The following CD38 variants were observed in gnomAD, a reference collection of about 807,000 sequenced individuals.
CD38 encodes the protein ADP-ribosyl cyclase/cyclic ADP-ribose hydrolase 1.
Under a neutral mutation model 36.3 loss-of-function variants are expected in CD38, and 31 were observed. The observed-to-expected ratio is 0.85, with a 90% confidence interval of 0.64 to 1.15. CD38 has a LOEUF of 1.15. Among genes scored for constraint, CD38 ranks in the 50% most tolerant of loss-of-function variants. The pLI is 0.00. For missense variants in CD38, 380 were observed against 371.9 expected, an observed-to-expected ratio of 1.02 and a Z score of -0.18; for synonymous variants, 131 against 135.2, an observed-to-expected ratio of 0.97 and a Z score of 0.22.
In CD38 at chr4:15,853,195, A is replaced by G. The variant is rs1442195563; in HGVS notation, c.*4593A>G. The G allele has an allele frequency of 1.3e-5, 2 of 152,196 alleles. No individual in the cohort carries two copies. The highest frequency in any genetic ancestry group is 2.9e-5 in the Non-Finnish European group (2 of 68,042). The allele number at this position is 152,196 out of a possible 1,614,324, so 9.4% of individuals were successfully genotyped here. A position where few individuals can be genotyped will look rare whatever the true frequency, so the allele number is the denominator to read the frequency against. On this transcript the variant is annotated 3_prime_UTR_variant, in exon 8 of 8. Coordinates refer to ENST00000226279, the MANE Select transcript of CD38 (RefSeq NM_001775.4). ...GTTTGAAATTTATTTGTAACAGACA[A>G]AAATGAATTAAACAAACAATAAAAG...
chr4:15,841,282 C>T (rs1724200592), intron 7 of CD38, among the ~76,000 whole-genome samples: 1 of 152,156 alleles, frequency 6.6e-6, no homozygotes. Context: ...AGAGGAAAAG[C>T]TGTTCAAAGG....
intron 1 of CD38, among the ~76,000 whole-genome samples, chr4:15,793,858 A>AT (rs1486593270): frequency 6.6e-6 from 1 of 152,258 alleles, no homozygotes; most frequent in Non-Finnish European, 1.5e-5. Context: ...AGAAGAAACA[A>AT]CAATGCTTCC....
intron 1 of CD38, among the ~76,000 whole-genome samples, chr4:15,788,225 G>A (rs1252188188): frequency 4.6e-5 from 7 of 152,162 alleles, no homozygotes; most frequent in Non-Finnish European, 1.0e-4. Context: ...ATTGCTGATT[G>A]TTCAGAGCAT....
intron 2 of CD38, among the ~76,000 whole-genome samples, chr4:15,822,115 G>A (rs147420733): frequency 2.5e-3 from 377 of 152,098 alleles, no homozygotes; most frequent in African/African-American, 8.7e-3. Flanking sequence ...CAATAGATGC[G>A]GAAAAGGCCT....
At chr4:15,791,119 A>G (rs1350910103) in intron 1 of CD38, among the ~76,000 whole-genome samples, 1 of 97,112 alleles carries the variant, frequency 1.0e-5, no homozygotes. Flanking sequence ...GGCCGCCCCT[A>G]CTGGGAAGTG....
chr4:15,787,451 T>C (rs1400497560), intron 1 of CD38, among the ~76,000 whole-genome samples: 1 of 152,228 alleles, frequency 6.6e-6, no homozygotes, highest in Non-Finnish European at 1.5e-5. Context: ...GTTTGGTTGC[T>C]ATTTAATGTT....
intron 1 of CD38, among the ~76,000 whole-genome samples, chr4:15,811,076 G>GA (rs1283225086): frequency 6.6e-6 from 1 of 152,040 alleles, no homozygotes; most frequent in Non-Finnish European, 1.5e-5. Flanking sequence ...TATCTCTTAT[G>GA]AAAAAATGTG....
At chr4:15,836,718 G>C (rs923828147) in intron 4 of CD38, among the ~76,000 whole-genome samples, 5 of 152,132 alleles carry the variant, frequency 3.3e-5, no homozygotes, top group Admixed American at 6.5e-5. Flanking sequence ...TCTTTTAAAT[G>C]ACAGGTTTGA....
In CD38 at chr4:15,787,662, A is replaced by C. The variant is rs767302094; in HGVS notation, c.233+9015A>C. Reference sequence around the variant, plus strand: ...GCCACGTCCTCTCCTGGTTGCCAGGACGTGTTCCTTGTGGTTTAATTGCCG... The same window carrying C: ...GCCACGTCCTCTCCTGGTTGCCAGGCCGTGTTCCTTGTGGTTTAATTGCCG... On this transcript the variant is annotated intron_variant, in intron 1 of 7. Transcript: ENST00000226279. Among the ~76,000 whole-genome samples the C allele has an allele frequency of 3.0e-4, 45 of 152,170 alleles. 1 individual carries two copies. Among genetic ancestry groups the C allele is most frequent in the Non-Finnish European group, 5.9e-4 (40 of 68,036 alleles).
chr4:15,795,931 TTTATC>T (rs1723096528), intron 1 of CD38, among the ~76,000 whole-genome samples: 1 of 152,150 alleles, frequency 6.6e-6, no homozygotes, highest in Non-Finnish European at 1.5e-5. Context: ...AAATGTTCAT[TTTATC>T]TTATGACTAT....
chr4:15,816,465 T>A (rs1377644745), intron 1 of CD38, 46 bp from the exon 2 acceptor site: 1 of 1,491,102 alleles, frequency 6.7e-7, no homozygotes, highest in Admixed American at 2.0e-5. Context: ...CAAAAATATT[T>A]TTAAAATCAA....
chr4:15,811,723 C>T (rs1460529600), intron 1 of CD38, among the ~76,000 whole-genome samples: 2 of 152,148 alleles, frequency 1.3e-5, no homozygotes, highest in African/African-American at 2.4e-5. Flanking sequence ...AAAGCTTTAT[C>T]GTGAGGTTGA....
At chr4:15,787,124 G>A (rs543022864) in intron 1 of CD38, among the ~76,000 whole-genome samples, 5 of 152,238 alleles carry the variant, frequency 3.3e-5, no homozygotes, top group African/African-American at 7.2e-5. Flanking sequence ...AGCCGACTCC[G>A]GCCTGGGCCA....
chr4:15,818,117 C>G (rs1723642738), intron 2 of CD38, among the ~76,000 whole-genome samples: 1 of 146,258 alleles, frequency 6.8e-6, no homozygotes, highest in Non-Finnish European at 1.5e-5. Flanking sequence ...GAAATTCTTG[C>G]TGCCAGCACA....
At chr4:15,784,357 G>T (rs1359923042) in intron 1 of CD38, among the ~76,000 whole-genome samples, 1 of 152,196 alleles carries the variant, frequency 6.6e-6, no homozygotes, top group Non-Finnish European at 1.5e-5. Context: ...CAACAAGAGG[G>T]TGCTCTGGAG....
At chr4:15,800,894 A>AAAC (rs1207223078) in intron 1 of CD38, among the ~76,000 whole-genome samples, 3 of 152,056 alleles carry the variant, frequency 2.0e-5, no homozygotes, top group African/African-American at 7.2e-5. Flanking sequence ...TATAAAAGCA[A>AAAC]AACAACAACA....
intron 3 of CD38, among the ~76,000 whole-genome samples, chr4:15,831,192 A>C (rs1723951326): frequency 6.6e-6 from 1 of 152,130 alleles, no homozygotes; most frequent in African/African-American, 2.4e-5. Flanking sequence ...TCCCACTCTA[A>C]AACTTTTTGT....
intron 7 of CD38, 79 bp from the exon 8 acceptor site, chr4:15,848,460 G>C: frequency 9.8e-7 from 1 of 1,016,106 alleles, no homozygotes; most frequent in Non-Finnish European, 1.5e-6. Context: ...CGCTAAAAAA[G>C]GGGCTTCCTC....
Position 15,851,471 on chromosome 4 carries a change from G to A in CD38, c.*2869G>A, listed in dbSNP as rs892843166. On this transcript the variant is annotated 3_prime_UTR_variant, in exon 8 of 8. Transcript: ENST00000226279. ...TCACCCACCATCATGCTTACCCAAA[G>A]GCTGTGGGAATGACCTGGGCCCTAA... The A allele has an allele frequency of 2.0e-5, 3 of 152,104 alleles. No individual in the cohort carries two copies. Among genetic ancestry groups the A allele is most frequent in the African/African-American group, 7.2e-5 (3 of 41,396 alleles). The allele number at this position is 152,104 out of a possible 1,614,324, so 9.4% of individuals were successfully genotyped here.
Sources: gnomAD v4.1 joint callset for allele counts (sites outside exome capture counted in the v4.1 genomes callset) on GRCh38, gnomAD v4.1.1 for gene constraint, MANE v1.5 for transcripts, NCBI Gene and HGNC (gene_info 2026-07-23, HGNC 2026-07-21) for gene names.